PUDP: variants seen among roughly 807,000 people sequenced by gnomAD.
PUDP encodes the protein pseudouridine-5'-phosphatase.
Under a neutral mutation model 9.4 loss-of-function variants are expected in PUDP, and 8 were observed. That is an observed-to-expected ratio of 0.85 (90% CI 0.50 to 1.53). The LOEUF is 1.53. PUDP is among the 40% of genes most tolerant of loss of function. The pLI is 0.00. For missense variants in PUDP, 188 were observed against 189.7 expected (o/e 0.99, Z 0.05); for synonymous variants, 99 against 80.7 (o/e 1.23, Z -1.22).
chrX:6,779,336 C>T (rs1282468510), intron 3 of PUDP, among the ~76,000 whole-genome samples: 2 of 111,935 alleles, frequency 1.8e-5, no homozygotes, highest in African/African-American at 6.5e-5. Flanking sequence ...GAAAGCAAAG[C>T]AGTGTGAAAG....
chrX:7,066,337 A>T (rs1930553736), intron 3 of PUDP, among the ~76,000 whole-genome samples: 1 of 111,724 alleles, frequency 9.0e-6, no homozygotes, highest in South Asian at 3.8e-4. Flanking sequence ...GTCCAGAAAT[A>T]AAAAAATACA....
downstream of PUDP, among the ~76,000 whole-genome samples, chrX:7,047,386 T>G: frequency 8.9e-6 from 1 of 112,478 alleles, no homozygotes; most frequent in Admixed American, 9.4e-5. Flanking sequence ...GTTTTTCTGA[T>G]GAAAACAATT....
intron 1 of PUDP, among the ~76,000 whole-genome samples, chrX:7,017,753 C>T (rs930157861): frequency 8.9e-6 from 1 of 111,948 alleles, no homozygotes; most frequent in African/African-American, 3.3e-5. Context: ...AACATGAGCA[C>T]ATGTGGAACT....
At chrX:7,094,903 T>C (rs1027186153) in intron 2 of PUDP, among the ~76,000 whole-genome samples, 4 of 111,675 alleles carry the variant, frequency 3.6e-5, no homozygotes, top group African/African-American at 1.3e-4. Context: ...AGGAGTACAA[T>C]CTGCCTAAGT....
chrX:6,969,363 T>TG (rs1196097880), intron 3 of PUDP, among the ~76,000 whole-genome samples: 1 of 112,236 alleles, frequency 8.9e-6, no homozygotes. Context: ...AGGCAGACTG[T>TG]GTCTCAGGGA....
At chrX:7,018,987 A>G (rs1463444570) in intron 1 of PUDP, among the ~76,000 whole-genome samples, 1 of 112,384 alleles carries the variant, frequency 8.9e-6, no homozygotes, top group Non-Finnish European at 1.9e-5. Context: ...ATTCTTGAAA[A>G]ATATAGTAAT....
At chrX:6,886,904 C>G (rs981798049) in intron 3 of PUDP, among the ~76,000 whole-genome samples, 5 of 109,564 alleles carry the variant, frequency 4.6e-5, no homozygotes, top group Non-Finnish European at 7.6e-5. Flanking sequence ...AACACATTTT[C>G]TGCATCATGG....
intron 3 of PUDP, among the ~76,000 whole-genome samples, chrX:6,848,870 C>T (rs983238616): frequency 8.9e-6 from 1 of 112,387 alleles, no homozygotes; most frequent in African/African-American, 3.2e-5. Context: ...CCTACAGAAC[C>T]ATGAGCCAAT....
chrX:7,052,634 C>T (rs1367589976), intron 3 of PUDP, among the ~76,000 whole-genome samples: 2 of 112,165 alleles, frequency 1.8e-5, no homozygotes, highest in Admixed American at 9.4e-5. Context: ...TATTAGCCAA[C>T]TTATCCCAAC....
intron 3 of PUDP, among the ~76,000 whole-genome samples, chrX:6,946,265 C>T (rs1444208124): frequency 8.9e-6 from 1 of 111,838 alleles, no homozygotes; most frequent in Admixed American, 9.5e-5. Context: ...CATGAAGGGG[C>T]ATGAAGCTCC....
chrX:7,131,505 G>A (rs1932619313), intron 1 of PUDP, among the ~76,000 whole-genome samples: 1 of 110,222 alleles, frequency 9.1e-6, no homozygotes, highest in Non-Finnish European at 1.9e-5. Context: ...CACGTGGAGA[G>A]AAGCTGAGAC....
At chrX:7,046,578 C>T (rs765863258), downstream of PUDP, among the ~76,000 whole-genome samples, 1 of 112,761 alleles carries the variant, frequency 8.9e-6, no homozygotes, top group African/African-American at 3.2e-5. Context: ...GGTTTACAAA[C>T]AGATAGGTAT....
chrX:6,757,136 G>A (rs918699312), intron 3 of PUDP, among the ~76,000 whole-genome samples: 2 of 112,020 alleles, frequency 1.8e-5, no homozygotes, highest in Non-Finnish European at 3.8e-5. Context: ...GAACACAAAA[G>A]TGGATCATTG....
At chrX:6,996,818 C>G (rs976841823) in intron 1 of PUDP, among the ~76,000 whole-genome samples, 1 of 107,967 alleles carries the variant, frequency 9.3e-6, no homozygotes, top group East Asian at 2.9e-4. Context: ...CAGGTACTCA[C>G]CACCACACCC....
rs758888454 is a variant in PUDP at position 6,804,876 on chromosome X, G to C, written c.*248-98410C>G. 4.5e-5 allele frequency among the ~76,000 whole-genome samples: 5 copies of C among 112,009 alleles called. No individual in the cohort carries two copies. In the South Asian group the frequency reaches 1.9e-3, roughly 42 times the overall value. On this transcript the variant is annotated intron_variant and NMD_transcript_variant, in intron 3 of 3. Transcript: ENST00000655425. Reference sequence around the variant, plus strand: ...GGGCATCAAACTAAAGAATTGCAGAGGTTTTTATTCATGGCAAATTAGTAT... The same window carrying C: ...GGGCATCAAACTAAAGAATTGCAGACGTTTTTATTCATGGCAAATTAGTAT...
intron 3 of PUDP, among the ~76,000 whole-genome samples, chrX:6,862,575 G>A (rs189407975): frequency 1.7e-3 from 189 of 111,381 alleles, no homozygotes; most frequent in Middle Eastern, 4.6e-3. Flanking sequence ...TTTTTCCCAC[G>A]GTGTCTTTAT....
At chrX:7,090,204 T>C (rs1215680843) in intron 2 of PUDP, among the ~76,000 whole-genome samples, 1 of 110,933 alleles carries the variant, frequency 9.0e-6, no homozygotes, top group Non-Finnish European at 1.9e-5. Context: ...AAAGTATATA[T>C]AGTATCTAAA....
intron 2 of PUDP, among the ~76,000 whole-genome samples, chrX:7,102,654 G>C (rs1359852153): frequency 9.2e-6 from 1 of 109,184 alleles, no homozygotes; most frequent in Non-Finnish European, 1.9e-5. Flanking sequence ...TTTGTTCACA[G>C]ATTACATGAT....
intron 1 of PUDP, among the ~76,000 whole-genome samples, chrX:6,984,416 A>G (rs1277616254): frequency 8.9e-6 from 1 of 112,128 alleles, no homozygotes; most frequent in African/African-American, 3.2e-5. Context: ...TATGTGAATG[A>G]TATCTCAATA....
Sources: gnomAD v4.1 joint callset for allele counts (sites outside exome capture counted in the v4.1 genomes callset) on GRCh38, gnomAD v4.1.1 for gene constraint, MANE v1.5 for transcripts, NCBI Gene and HGNC (gene_info 2026-07-23, HGNC 2026-07-21) for gene names.